The following KSR2 variants were observed in gnomAD, a reference collection of about 807,000 sequenced individuals.
KSR2 encodes the protein kinase suppressor of ras 2.
KSR2 carries 25 observed loss-of-function variants against 107.8 expected under a neutral mutation model. That is an observed-to-expected ratio of 0.23 (90% CI 0.17 to 0.32). KSR2 has a LOEUF of 0.32. KSR2 is among the 10% of genes least tolerant of loss of function. The pLI is 1.00. For missense variants in KSR2, 887 were observed against 1,268.9 expected (o/e 0.70, Z 4.57); for synonymous variants, 480 against 507.0 (o/e 0.95, Z 0.71).
chr12:117,470,421 C>T (rs1323571950), intron 18 of KSR2, among the ~76,000 whole-genome samples: 1 of 152,196 alleles, frequency 6.6e-6, no homozygotes, highest in Admixed American at 6.5e-5. Context: ...GTTTACCATC[C>T]ATCCATCCTT....
intron 5 of KSR2, among the ~76,000 whole-genome samples, chr12:117,590,385 G>A (rs1880249286): frequency 6.6e-6 from 1 of 152,150 alleles, no homozygotes; most frequent in Non-Finnish European, 1.5e-5. Flanking sequence ...ACAAACACCA[G>A]CTCTGCCACT....
At chr12:117,719,026 T>C (rs1887107347) in intron 4 of KSR2, among the ~76,000 whole-genome samples, 2 of 152,228 alleles carry the variant, frequency 1.3e-5, no homozygotes, top group African/African-American at 2.4e-5. Context: ...TTCCATGGAT[T>C]TGTAAGGTTT....
chr12:117,556,642 A>G (rs1056324865), intron 8 of KSR2, among the ~76,000 whole-genome samples: 1 of 152,058 alleles, frequency 6.6e-6, no homozygotes, highest in East Asian at 1.9e-4. Flanking sequence ...CCTTGGGTTC[A>G]TTCTAAATTA....
intron 17 of KSR2, 28 bp downstream of exon 17, chr12:117,476,436 C>A: frequency 6.4e-7 from 1 of 1,563,986 alleles, no homozygotes; most frequent in East Asian, 2.3e-5. Flanking sequence ...GGCTGTGGCT[C>A]TCAATGGCCA....
At chr12:117,600,824 G>A (rs191398659) in intron 5 of KSR2, among the ~76,000 whole-genome samples, 19 of 152,242 alleles carry the variant, frequency 1.2e-4, no homozygotes, top group African/African-American at 4.3e-4. Flanking sequence ...ATCACCCTGG[G>A]GAGAGGGCAG....
chr12:117,935,978 T>G (rs1895824834), intron 1 of KSR2, among the ~76,000 whole-genome samples: 1 of 152,190 alleles, frequency 6.6e-6, no homozygotes, highest in Admixed American at 6.5e-5. Flanking sequence ...TCTGCTTTTT[T>G]CTTTTTTCCA....
At chr12:117,772,608 CACAT>C (rs1341117351) in intron 3 of KSR2, among the ~76,000 whole-genome samples, 4 of 150,234 alleles carry the variant, frequency 2.7e-5, no homozygotes, top group Non-Finnish European at 5.9e-5. Context: ...CGCACACACA[CACAT>C]ACACACCATT....
chr12:117,564,931 G>T (rs1878368966), intron 7 of KSR2, among the ~76,000 whole-genome samples: 1 of 152,230 alleles, frequency 6.6e-6, no homozygotes, highest in Non-Finnish European at 1.5e-5. Flanking sequence ...GAAATGCAAT[G>T]ATGCCCCCTC....
intron 1 of KSR2, among the ~76,000 whole-genome samples, chr12:117,942,020 T>C (rs1896026028): frequency 6.6e-6 from 1 of 152,062 alleles, no homozygotes; most frequent in African/African-American, 2.4e-5. Context: ...TGAACAAAAG[T>C]CTTACATGCA....
In KSR2 at chr12:117,804,643, T is replaced by C. The variant is rs377626777; in HGVS notation, c.473-43119A>G. 1.6e-3 allele frequency among the ~76,000 whole-genome samples: 250 copies of C among 152,320 alleles called. 2 individuals carry two copies. The highest frequency in any genetic ancestry group is 5.6e-3 in the African/African-American group (231 of 41,566). On this transcript the variant is annotated intron_variant, in intron 3 of 19. Coordinates refer to ENST00000339824, the MANE Select transcript of KSR2 (RefSeq NM_173598.6). ...TCCTTGAGAAAGACAAAGAAATCTT[T>C]CCAGCCACCCCATTAAGGAACCGGC...
chr12:117,473,614 C>T (rs562285566), intron 17 of KSR2, among the ~76,000 whole-genome samples: 2 of 152,298 alleles, frequency 1.3e-5, no homozygotes, highest in Non-Finnish European at 2.9e-5. Flanking sequence ...ACTCATCCAC[C>T]ACTCATGTGA....
intron 4 of KSR2, among the ~76,000 whole-genome samples, chr12:117,676,422 T>G (rs1885122128): frequency 6.6e-6 from 1 of 151,990 alleles, no homozygotes; most frequent in Non-Finnish European, 1.5e-5. Flanking sequence ...GCACGTCAAA[T>G]CTATAATTTC....
chr12:117,476,848 A>C (rs954815803), intron 16 of KSR2, among the ~76,000 whole-genome samples: 1 of 152,218 alleles, frequency 6.6e-6, no homozygotes. Context: ...GCCCATCTTC[A>C]TTCAATGACA....
rs568373122 is a variant in KSR2, at chr12:117,612,287, C to T, written c.1172-29928G>A. ...GGCGTGGTGGTGCACCCCTGTAGTC[C>T]CAGCTACTCGGGAGGCTGAGGCAGG... On this transcript the variant is annotated intron_variant, in intron 5 of 19. Coordinates refer to ENST00000339824, the MANE Select transcript of KSR2 (RefSeq NM_173598.6). Among the ~76,000 whole-genome samples, 3 of 151,880 alleles carry T rather than the reference C, an allele frequency of 2.0e-5. No homozygotes were observed. The East Asian group carries it at 5.8e-4, about 30-fold the overall frequency.
intron 4 of KSR2, among the ~76,000 whole-genome samples, chr12:117,703,652 T>C (rs1593149076): frequency 6.6e-6 from 1 of 152,314 alleles, no homozygotes; most frequent in East Asian, 1.9e-4. Flanking sequence ...GTGTCTTAAG[T>C]GACGCTGAAT....
chr12:117,853,340 T>C (rs12317638), intron 3 of KSR2, among the ~76,000 whole-genome samples: 23,089 of 152,198 alleles, frequency 0.15, 1,892 homozygotes, highest in African/African-American at 0.18. Flanking sequence ...GACAACACTG[T>C]AATTTGGTGC....
chr12:117,517,501 G>A (rs1025047665), intron 14 of KSR2, among the ~76,000 whole-genome samples: 4 of 152,164 alleles, frequency 2.6e-5, no homozygotes, highest in East Asian at 3.8e-4. Flanking sequence ...TTTGAGATTC[G>A]AGGAGAGTGG....
chr12:117,939,566 G>A (rs1324546067), intron 1 of KSR2, among the ~76,000 whole-genome samples: 1 of 152,078 alleles, frequency 6.6e-6, no homozygotes, highest in Non-Finnish European at 1.5e-5. Context: ...CAAAAAATTA[G>A]CTGGGCGTGG....
chr12:117,627,542 G>A (rs1194636254), intron 5 of KSR2, among the ~76,000 whole-genome samples: 1 of 152,188 alleles, frequency 6.6e-6, no homozygotes, highest in African/African-American at 2.4e-5. Flanking sequence ...ACTCTCTTCT[G>A]GCTTGTAGGG....
Sources: gnomAD v4.1 joint callset for allele counts (sites outside exome capture counted in the v4.1 genomes callset) on GRCh38, gnomAD v4.1.1 for gene constraint, MANE v1.5 for transcripts, NCBI Gene and HGNC (gene_info 2026-07-23, HGNC 2026-07-21) for gene names.